Variants in PYGO1 observed in about 807,000 individuals in gnomAD.
PYGO1 encodes pygopus homolog 1.
In PYGO1, 6 loss-of-function variants were observed where a neutral mutation model predicts 29.5. The observed-to-expected ratio is 0.20, with a 90% confidence interval of 0.11 to 0.40. The LOEUF is 0.40. Among genes scored for constraint, PYGO1 ranks in the 10% least tolerant of loss-of-function variants. The pLI is 1.00. For missense variants in PYGO1, 515 were observed against 514.9 expected, an observed-to-expected ratio of 1.00 and a Z score of 0.00; for synonymous variants, 186 against 180.5, an observed-to-expected ratio of 1.03 and a Z score of -0.24.
intron 1 of PYGO1, among the ~76,000 whole-genome samples, chr15:55,553,897 G>A (rs1042139185): frequency 6.6e-6 from 1 of 152,070 alleles, no homozygotes; most frequent in Non-Finnish European, 1.5e-5. Context: ...GGCAACTAGG[G>A]TCAGGAGCAG....
chr15:55,581,284 G>A (rs1357713041), intron 1 of PYGO1, among the ~76,000 whole-genome samples: 1 of 152,198 alleles, frequency 6.6e-6, no homozygotes, highest in Non-Finnish European at 1.5e-5. Context: ...TGCAAAGGAA[G>A]TTTTAAAGGC....
intron 1 of PYGO1, among the ~76,000 whole-genome samples, chr15:55,562,109 T>C (rs552742522): frequency 8.5e-5 from 13 of 152,178 alleles, no homozygotes; most frequent in East Asian, 5.8e-4. Context: ...TCACTGATCA[T>C]TAGAGAAATG....
chr15:55,570,647 AAG>A (rs1241947198), intron 1 of PYGO1, among the ~76,000 whole-genome samples: 12 of 152,210 alleles, frequency 7.9e-5, no homozygotes, highest in Non-Finnish European at 1.6e-4. Context: ...TAAAAATGTG[AAG>A]ATAGTAAAGA....
intron 1 of PYGO1, among the ~76,000 whole-genome samples, chr15:55,562,396 G>C (rs2141660147): frequency 6.6e-6 from 1 of 152,300 alleles, no homozygotes. Context: ...CACTGGCTGA[G>C]CGTGGTGGCT....
At chr15:55,588,799 C>T (rs766083252), upstream of PYGO1, 1 of 1,613,528 alleles carries the variant, frequency 6.2e-7, no homozygotes, top group Non-Finnish European at 8.5e-7. Context: ...GAAAGATGAA[C>T]GTACCATGCG....
rs2058825375 is a variant in PYGO1 at position 55,540,766 on chromosome 15, C to T, written c.*5257G>A. ...GCACTAGTGCATGTGTTACTTTAGA[C>T]ATGTTCTAAGAACAAAACAAAAAGT... On this transcript the variant is annotated 3_prime_UTR_variant, in exon 3 of 3. Coordinates refer to ENST00000563719, the MANE Select transcript of PYGO1 (RefSeq NM_001367806.1). 6.6e-6 allele frequency: 1 copy of T among 152,052 alleles called. No homozygotes were observed. The highest frequency in any genetic ancestry group is 1.5e-5 in the Non-Finnish European group (1 of 67,996). 9.4% of individuals were successfully genotyped at this position (152,052 alleles called of 1,614,324 possible). A position where few individuals can be genotyped will look rare whatever the true frequency, so the allele number is the denominator to read the frequency against.
rs1487128268 is a variant in PYGO1, at chr15:55,588,102, C to T, written c.-219G>A. ...GGGCGGCGGGGCGGCGTGCGGGCAC[C>T]GGCGGGGCTCAGCGGCGGTGGCCGG... On this transcript the variant is annotated 5_prime_UTR_variant, in exon 1 of 3. Transcript: ENST00000563719. 3.9e-5 allele frequency: 38 copies of T among 969,560 alleles called. No individual in the cohort carries two copies. The highest frequency in any genetic ancestry group is 1.4e-5 in the Non-Finnish European group (11 of 810,294). The allele number at this position is 969,560 out of a possible 1,614,324, so 60.1% of individuals were successfully genotyped here.
intron 1 of PYGO1, among the ~76,000 whole-genome samples, chr15:55,586,853 T>C (rs1330005397): frequency 6.6e-6 from 1 of 152,222 alleles, no homozygotes; most frequent in Admixed American, 6.5e-5. Context: ...CCTCTATTCC[T>C]GTTTTGTTGT....
intron 2 of PYGO1, among the ~76,000 whole-genome samples, chr15:55,547,862 T>C (rs1171446022): frequency 6.6e-6 from 1 of 152,248 alleles, no homozygotes; most frequent in African/African-American, 2.4e-5. Flanking sequence ...GCCTCCATCA[T>C]GATTGCTTCG....
intron 1 of PYGO1, among the ~76,000 whole-genome samples, chr15:55,582,029 A>C (rs1484437612): frequency 6.6e-6 from 1 of 151,986 alleles, no homozygotes; most frequent in Non-Finnish European, 1.5e-5. Context: ...CAACATGATG[A>C]AATCAGCCCT....
chr15:55,559,027 T>C (rs897788544), intron 1 of PYGO1, among the ~76,000 whole-genome samples: 1 of 151,902 alleles, frequency 6.6e-6, no homozygotes, highest in African/African-American at 2.4e-5. Context: ...CAAAAGAAAC[T>C]CCCATCAGAG....
intron 1 of PYGO1, among the ~76,000 whole-genome samples, chr15:55,559,008 T>G (rs1009387377): frequency 1.6e-4 from 25 of 151,982 alleles, no homozygotes; most frequent in Non-Finnish European, 2.6e-4. Flanking sequence ...CTGAAGAGCT[T>G]CTGCACAGCA....
At chr15:55,578,089 T>C (rs1214308078) in intron 1 of PYGO1, among the ~76,000 whole-genome samples, 1 of 152,218 alleles carries the variant, frequency 6.6e-6, no homozygotes, top group Non-Finnish European at 1.5e-5. Context: ...AATGGAATCA[T>C]ACAATATGTA....
At chr15:55,575,296 T>C (rs909766293) in intron 1 of PYGO1, among the ~76,000 whole-genome samples, 1 of 152,072 alleles carries the variant, frequency 6.6e-6, no homozygotes, top group African/African-American at 2.4e-5. Context: ...TTTCTAACAA[T>C]CCCCCTCAGG....
intron 1 of PYGO1, among the ~76,000 whole-genome samples, chr15:55,557,916 C>G (rs1244898128): frequency 6.6e-6 from 1 of 152,170 alleles, no homozygotes; most frequent in Non-Finnish European, 1.5e-5. Flanking sequence ...GGAAGCATTC[C>G]CTTTGAAAAC....
chr15:55,573,092 G>T (rs887840102), intron 1 of PYGO1, among the ~76,000 whole-genome samples: 2 of 151,994 alleles, frequency 1.3e-5, no homozygotes, highest in African/African-American at 4.8e-5. Flanking sequence ...GGATCACGAG[G>T]TCAGGAGTTC....
chr15:55,552,496 C>T (rs1051273489), intron 1 of PYGO1, among the ~76,000 whole-genome samples: 1 of 151,458 alleles, frequency 6.6e-6, no homozygotes. Context: ...ACCAAGTGAA[C>T]AACTTGACCC....
chr15:55,578,378 G>A (rs1356877738), intron 1 of PYGO1, among the ~76,000 whole-genome samples: 1 of 151,720 alleles, frequency 6.6e-6, no homozygotes, highest in East Asian at 1.9e-4. Flanking sequence ...TATCTATCTA[G>A]AGGTGGAATC....
intron 1 of PYGO1, among the ~76,000 whole-genome samples, chr15:55,577,974 C>G (rs1023905182): frequency 2.6e-5 from 4 of 152,068 alleles, no homozygotes; most frequent in Non-Finnish European, 5.9e-5. Flanking sequence ...CTGGTTTCAC[C>G]ATGTTGGCCA....
Sources: gnomAD v4.1 joint callset for allele counts (sites outside exome capture counted in the v4.1 genomes callset) on GRCh38, gnomAD v4.1.1 for gene constraint, MANE v1.5 for transcripts, NCBI Gene and HGNC (gene_info 2026-07-23, HGNC 2026-07-21) for gene names.